UMODL1: variants seen among roughly 807,000 people sequenced by gnomAD.
UMODL1 encodes the protein uromodulin-like 1.
In UMODL1, 128 loss-of-function variants were observed where a neutral mutation model predicts 136.3. That is an observed-to-expected ratio of 0.94 (90% confidence interval 0.81 to 1.09). The LOEUF is 1.09. Among genes scored for constraint, UMODL1 ranks in the 50% least tolerant of loss-of-function variants. The probability of loss-of-function intolerance (pLI) is 0.00; values close to 1 mark genes in which losing one functional copy is unlikely to be tolerated. For synonymous variants in UMODL1, 721 were observed against 720.0 expected (o/e 1.00, Z -0.02); for missense variants, 1,766 against 1,725.6 (o/e 1.02, Z -0.41).
chr21:42,101,216 G>A (rs757821466), intron 7 of UMODL1, among the ~76,000 whole-genome samples: 6 of 151,904 alleles, frequency 3.9e-5, no homozygotes, highest in Admixed American at 1.3e-4. Context: ...CGGTGGCAGC[G>A]GATGCCCAGA....
chr21:42,111,185 C>T, intron 11 of UMODL1, 64 bp downstream of exon 11: 1 of 1,561,860 alleles, frequency 6.4e-7, no homozygotes, highest in Non-Finnish European at 8.7e-7. Context: ...GAACCCCAGC[C>T]AGGGGAGCCC....
At chr21:42,113,854 A>C (rs759145037) in intron 13 of UMODL1, 24 bp downstream of exon 13, 1 of 1,599,006 alleles carries the variant, frequency 6.3e-7, no homozygotes, top group African/African-American at 1.3e-5. Flanking sequence ...ATTTGTTTTT[A>C]AAGAGAGGAA....
chr21:42,107,969 C>T (rs1282195218), intron 9 of UMODL1, among the ~76,000 whole-genome samples: 1 of 152,250 alleles, frequency 6.6e-6, no homozygotes, highest in African/African-American at 2.4e-5. Flanking sequence ...TGCGCCCTCG[C>T]CTGGCCAGCC....
At chr21:42,092,585 G>A (rs965478464) in intron 6 of UMODL1, among the ~76,000 whole-genome samples, 5 of 152,210 alleles carry the variant, frequency 3.3e-5, no homozygotes, top group African/African-American at 9.6e-5. Context: ...GAGCACTTCT[G>A]TTGCTTTCAA....
chr21:42,067,297 C>T (rs1235110202), upstream of UMODL1, among the ~76,000 whole-genome samples: 3 of 152,042 alleles, frequency 2.0e-5, no homozygotes, highest in Admixed American at 2.0e-4. Context: ...AATTATATTT[C>T]CCCAGTAATG....
upstream of UMODL1, among the ~76,000 whole-genome samples, chr21:42,071,033 C>G (rs2066225657): frequency 6.6e-6 from 1 of 152,198 alleles, no homozygotes; most frequent in Non-Finnish European, 1.5e-5. Context: ...CTTTTGGGTA[C>G]TCACCTTTCC....
At chr21:42,067,818 C>T (rs895289516), upstream of UMODL1, among the ~76,000 whole-genome samples, 1 of 152,362 alleles carries the variant, frequency 6.6e-6, no homozygotes, top group Non-Finnish European at 1.5e-5. Context: ...AACCCCAGGC[C>T]GCACCCTCGC....
intron 10 of UMODL1, 21 bp from the exon 11 acceptor site, chr21:42,110,859 A>C (rs1308250382): frequency 4.4e-6 from 7 of 1,581,404 alleles, no homozygotes; most frequent in Non-Finnish European, 6.0e-6. Flanking sequence ...GCAGGCTCTG[A>C]CAGTGGATGT....
Position 42,127,709 on chromosome 21 carries a change from A to G in UMODL1, c.3568A>G (p.Asn1190Asp), listed in dbSNP as rs1057312798. ...VPNTYTNVIE[N>D]GNSNKAQFKL... ...CAACACATACACCAACGTGATTGAG[A>G]ACGGCAACTCCAATAAGGCCCAGTT... Residue 1190 changes from asparagine to aspartate, a missense_variant, in exon 20 of 23, where the codon AAC (asparagine) becomes GAC (aspartate). Physicochemically the swap from Asn to Asp is conservative, Grantham distance 23 (BLOSUM62 1). Coordinates refer to ENST00000408910, the MANE Select transcript of UMODL1 (RefSeq NM_001004416.3). 1 of 1,614,144 alleles carries G rather than the reference A, an allele frequency of 6.2e-7. No individual in the cohort carries two copies. The highest frequency in any genetic ancestry group is 1.1e-5 in the South Asian group (1 of 91,074).
intron 21 of UMODL1, among the ~76,000 whole-genome samples, chr21:42,132,710 T>A (rs2067150659): frequency 2.0e-5 from 3 of 151,442 alleles, no homozygotes; most frequent in Admixed American, 2.0e-4. Context: ...CATAAGGTTG[T>A]TGTGAGTGTC....
Position 42,130,255 on chromosome 21 carries a change from C to T in UMODL1, c.3775+458C>T, listed in dbSNP as rs1046505520. Among the ~76,000 whole-genome samples the T allele has an allele frequency of 3.4e-5, 5 of 146,914 alleles. No individual in the cohort carries two copies. In the East Asian group the frequency reaches 5.9e-4, roughly 17 times the overall value. The stretch of plus-strand genomic sequence containing the variant: ...GTGTGTGTGTGTGTGTGCGTGCACA[C>T]GAATGTGCATGCACAAGGAAAAGCT... On this transcript the variant is annotated intron_variant, in intron 21 of 22. Transcript: ENST00000408910.
intron 2 of UMODL1, among the ~76,000 whole-genome samples, chr21:42,083,313 C>T (rs2066384575): frequency 1.3e-5 from 2 of 152,334 alleles, no homozygotes; most frequent in South Asian, 4.1e-4. Flanking sequence ...ATGCCAGACC[C>T]GAAGCCTGGG....
At chr21:42,119,424 C>A in intron 15 of UMODL1, 100 bp downstream of exon 15, 1 of 1,053,670 alleles carries the variant, frequency 9.5e-7, no homozygotes. Context: ...GTGTTGTGCC[C>A]ATGTGGTCCT....
chr21:42,076,450 G>A (rs1024112880), intron 2 of UMODL1, among the ~76,000 whole-genome samples: 6 of 152,210 alleles, frequency 3.9e-5, no homozygotes, highest in African/African-American at 7.2e-5. Flanking sequence ...TGGGGGTGAA[G>A]TACAAGAATT....
chr21:42,109,872 G>A (rs559111821), intron 10 of UMODL1, among the ~76,000 whole-genome samples, 173 bp downstream of exon 10: 13 of 152,350 alleles, frequency 8.5e-5, no homozygotes, highest in Admixed American at 2.0e-4. Context: ...GAAATTAATA[G>A]AAGGATAGTA....
chr21:42,127,700 G>A lies in UMODL1; in HGVS notation c.3559G>A (p.Val1187Met), dbSNP rs530023051. 84 of 1,614,096 alleles carry A rather than the reference G, an allele frequency of 5.2e-5. No homozygotes were observed. The highest frequency in any genetic ancestry group is 6.7e-5 in the African/African-American group (5 of 75,038). ...CCCTGTGCCCAACACATACACCAACGTGATTGAGAACGGCAACTCCAATAA... is the reference window on the plus strand; with the variant it reads ...CCCTGTGCCCAACACATACACCAACATGATTGAGAACGGCAACTCCAATAA... ...SCPVPNTYTN[V>M]IENGNSNKAQ... The change falls in exon 20 of 23, where the codon GTG becomes ATG. Residue 1187 changes from valine to methionine, a missense_variant. Physicochemically the swap from Val to Met is conservative, Grantham distance 21 (BLOSUM62 1). Transcript: ENST00000408910.
intron 4 of UMODL1, 69 bp from the exon 5 acceptor site, chr21:42,088,225 G>C (rs1421635685): frequency 6.5e-7 from 1 of 1,536,192 alleles, no homozygotes; most frequent in East Asian, 2.3e-5. Context: ...AGCTCTGCGG[G>C]CCTCAGTCTC....
At chr21:42,113,197 C>T (rs1323827523) in intron 12 of UMODL1, 1 of 174,690 alleles carries the variant, frequency 5.7e-6, no homozygotes, top group African/African-American at 2.4e-5. Flanking sequence ...AATGTCAACT[C>T]CTAGTTGGAC....
At chr21:42,110,748 C>T in intron 10 of UMODL1, 132 bp from the exon 11 acceptor site, 1 of 898,060 alleles carries the variant, frequency 1.1e-6, no homozygotes, top group Non-Finnish European at 1.7e-6. Context: ...ACGCTGGCGC[C>T]CGCCTGCGTC....
Sources: gnomAD v4.1 joint callset for allele counts (sites outside exome capture counted in the v4.1 genomes callset) on GRCh38, gnomAD v4.1.1 for gene constraint, MANE v1.5 for transcripts, NCBI Gene and HGNC (gene_info 2026-07-23, HGNC 2026-07-21) for gene names.